Variants in SLF1 observed in about 807,000 individuals in gnomAD.
The protein encoded by SLF1 is SMC5-SMC6 complex localization factor protein 1.
SLF1 carries 105 observed loss-of-function variants against 123.0 expected under a neutral mutation model. The observed-to-expected ratio is 0.85, with a 90% confidence interval of 0.73 to 1.00. The LOEUF (loss-of-function observed/expected upper bound fraction) is 1.00. Among genes scored for constraint, SLF1 ranks in the 50% least tolerant of loss-of-function variants. The pLI, the probability that SLF1 is intolerant of heterozygous loss-of-function variation, is 0.00. For missense variants in SLF1, 1,239 were observed against 1,223.0 expected, an observed-to-expected ratio of 1.01 and a Z score of -0.20; for synonymous variants, 434 against 406.6, an observed-to-expected ratio of 1.07 and a Z score of -0.81.
intron 1 of SLF1, among the ~76,000 whole-genome samples, 162 bp downstream of exon 1, chr5:94,618,927 G>C (rs1207699009): frequency 6.6e-6 from 1 of 152,230 alleles, no homozygotes; most frequent in Non-Finnish European, 1.5e-5. Context: ...TTCTCCAGCT[G>C]CAGTTCGTTC....
At chr5:94,630,401 A>C in intron 3 of SLF1, 102 bp from the exon 4 acceptor site, 1 of 1,307,352 alleles carries the variant, frequency 7.6e-7, no homozygotes, top group African/African-American at 1.5e-5. Context: ...ATAGCTTAAG[A>C]GTCTTATCTT....
chr5:94,620,454 G>A (rs17387486), intron 1 of SLF1, among the ~76,000 whole-genome samples: 12,443 of 152,172 alleles, frequency 0.082, 558 homozygotes, highest in South Asian at 0.12. Flanking sequence ...TGAAGATTTC[G>A]TAATAAGCAT....
At position 94,665,904 on chromosome 5, in the gene SLF1, C is replaced by G. The variant is rs1410545029; in HGVS notation, c.1412C>G (p.Ser471Ter). 1 of 1,549,820 alleles carries G rather than the reference C, an allele frequency of 6.5e-7. No individual in the cohort carries two copies. Among genetic ancestry groups the G allele is most frequent in the Non-Finnish European group, 8.7e-7 (1 of 1,145,250 alleles). Reference sequence around the variant, plus strand: ...TCTGGTCGATACTTTCATATATTGTCAGCTCTTCTTCACCTGCATCCTCCT... The same window carrying G: ...TCTGGTCGATACTTTCATATATTGTGAGCTCTTCTTCACCTGCATCCTCCT... ...TFSGRYFHIL[S>*]ALLHLHPPWK... is the part of the protein sequence containing the mutation. Residue 471 changes from serine to a stop codon, truncating the protein, a stop_gained, in exon 12 of 21, where the codon TCA (serine) becomes TGA (stop). Coordinates refer to ENST00000265140, the MANE Select transcript of SLF1 (RefSeq NM_032290.4). LOFTEE classifies it high-confidence loss of function.
At position 94,695,959 on chromosome 5, in the gene SLF1, A is replaced by G. The variant is rs1296754088; in HGVS notation, c.*647A>G. ...TCTGTTTTATTTTAGCAATTCATAT[A>G]CAAAATGTATCTGTCGCTGCCCTAT... On this transcript the variant is annotated 3_prime_UTR_variant, in exon 21 of 21. Coordinates refer to ENST00000265140, the MANE Select transcript of SLF1 (RefSeq NM_032290.4). 2 of 151,876 alleles carry G rather than the reference A, an allele frequency of 1.3e-5. No homozygotes were observed. Among genetic ancestry groups the G allele is most frequent in the Admixed American group, 6.6e-5 (1 of 15,198 alleles). The allele number at this position is 151,876 out of a possible 1,614,324, so 9.4% of individuals were successfully genotyped here.
chr5:94,660,284 G>A (rs1748928317), intron 9 of SLF1, among the ~76,000 whole-genome samples: 1 of 152,196 alleles, frequency 6.6e-6, no homozygotes, highest in Admixed American at 6.5e-5. Context: ...CCCTGACGGT[G>A]GGCGTGGCTG....
chr5:94,657,201 A>G (rs1748508726), intron 9 of SLF1, among the ~76,000 whole-genome samples: 1 of 151,842 alleles, frequency 6.6e-6, no homozygotes, highest in Non-Finnish European at 1.5e-5. Context: ...TGTGCCTTTT[A>G]GCACTGCTTT....
chr5:94,666,573 A>T (rs1749782082), intron 12 of SLF1, among the ~76,000 whole-genome samples: 1 of 152,118 alleles, frequency 6.6e-6, no homozygotes, highest in Non-Finnish European at 1.5e-5. Flanking sequence ...CTTTCTCCCT[A>T]ACAGAAAATG....
At chr5:94,632,071 C>T (rs78357256) in intron 4 of SLF1, among the ~76,000 whole-genome samples, 11,249 of 151,554 alleles carry the variant, frequency 0.074, 461 homozygotes, top group South Asian at 0.12. Flanking sequence ...AGCCTAGAGC[C>T]CAGGAGTTGG....
intron 4 of SLF1, among the ~76,000 whole-genome samples, chr5:94,636,502 C>T (rs113324670): frequency 2.8e-4 from 43 of 152,164 alleles, no homozygotes; most frequent in African/African-American, 7.0e-4. Flanking sequence ...TGTCTTTGAA[C>T]TCACTGATTC....
chr5:94,649,754 C>T, intron 6 of SLF1, among the ~76,000 whole-genome samples, 157 bp downstream of exon 6: 1 of 152,152 alleles, frequency 6.6e-6, no homozygotes, highest in Non-Finnish European at 1.5e-5. Context: ...GGAAATTGTC[C>T]TATGTCTCTG....
Position 94,654,635 on chromosome 5 carries a change from A to G in SLF1, c.1038A>G (p.Glu346=). The G allele has an allele frequency of 6.5e-7, 1 of 1,536,630 alleles. No homozygotes were observed. Among genetic ancestry groups the G allele is most frequent in the Non-Finnish European group, 8.8e-7 (1 of 1,139,696 alleles). ...TTTTACTTTGCTATATGCAGAAAGA[A>G]ATGAAGAATTCTATTTTTGCTGAAT... ...RRHIYNRDQK[E]MKNSIFAEYA... The change falls in exon 9 of 21, where the codon GAA becomes GAG. Residue 346 remains glutamate, a synonymous_variant. Coordinates refer to ENST00000265140, the MANE Select transcript of SLF1 (RefSeq NM_032290.4).
chr5:94,619,224 G>A (rs1791377997), intron 1 of SLF1, among the ~76,000 whole-genome samples: 1 of 152,142 alleles, frequency 6.6e-6, no homozygotes. Context: ...AGGTGGCTGG[G>A]ATACCCCAGG....
chr5:94,687,946 A>G (rs1752624800), intron 16 of SLF1, among the ~76,000 whole-genome samples: 1 of 148,940 alleles, frequency 6.7e-6, no homozygotes, highest in Non-Finnish European at 1.5e-5. Flanking sequence ...GGCTATCTTT[A>G]GATATTAATA....
chr5:94,624,308 C>G (rs1264761206), intron 1 of SLF1, among the ~76,000 whole-genome samples: 1 of 152,158 alleles, frequency 6.6e-6, no homozygotes, highest in African/African-American at 2.4e-5. Flanking sequence ...AAAAGGCTTT[C>G]CTGATTTCTG....
chr5:94,673,240 C>T (rs966587545), intron 14 of SLF1, among the ~76,000 whole-genome samples: 9 of 152,114 alleles, frequency 5.9e-5, no homozygotes, highest in Admixed American at 5.2e-4. Flanking sequence ...GTCCTCAGGG[C>T]GAAGTCAGGT....
chr5:94,648,013 A>G (rs149618897), intron 5 of SLF1, among the ~76,000 whole-genome samples: 1 of 152,168 alleles, frequency 6.6e-6, no homozygotes, highest in African/African-American at 2.4e-5. Context: ...TGTTCCCTGC[A>G]TTCTCCATAA....
intron 15 of SLF1, among the ~76,000 whole-genome samples, chr5:94,681,708 T>C (rs1473534411): frequency 2.7e-5 from 4 of 145,578 alleles, no homozygotes; most frequent in African/African-American, 1.0e-4. Context: ...CCATGTGTTC[T>C]CATTGTTCAG....
At chr5:94,642,318 C>T (rs1002066692) in intron 4 of SLF1, among the ~76,000 whole-genome samples, 1 of 152,188 alleles carries the variant, frequency 6.6e-6, no homozygotes, top group Admixed American at 6.5e-5. Context: ...TTAATGGAGT[C>T]ATGTGGCAAA....
rs369317971 is a variant in SLF1, at chr5:94,642,833, T to C, written c.432-440T>C. On this transcript the variant is annotated intron_variant, in intron 4 of 20. Coordinates refer to ENST00000265140, the MANE Select transcript of SLF1 (RefSeq NM_032290.4). Reference sequence around the variant, plus strand: ...AGATCAAGGCTAATTTTTTTTTAAGTAGTTCAAGGCTAAAATTTTTTGAAA... The same window carrying C: ...AGATCAAGGCTAATTTTTTTTTAAGCAGTTCAAGGCTAAAATTTTTTGAAA... 4.6e-5 allele frequency among the ~76,000 whole-genome samples: 7 copies of C among 152,128 alleles called. 1 individual carries two copies. The highest frequency in any genetic ancestry group is 3.3e-4 in the Admixed American group (5 of 15,270).
Sources: gnomAD v4.1 joint callset for allele counts (sites outside exome capture counted in the v4.1 genomes callset) on GRCh38, gnomAD v4.1.1 for gene constraint, MANE v1.5 for transcripts, NCBI Gene and HGNC (gene_info 2026-07-23, HGNC 2026-07-21) for gene names.